TRAK1: variants seen among roughly 807,000 people sequenced by gnomAD.
TRAK1 encodes trafficking kinesin-binding protein 1.
Under a neutral mutation model 92.1 loss-of-function variants are expected in TRAK1, and 33 were observed. The ratio of observed to expected loss-of-function variants is 0.36; its 90% CI spans 0.27 to 0.48. The LOEUF (loss-of-function observed/expected upper bound fraction) is 0.48, where lower values mean the gene tolerates loss of function less well. Among genes scored for constraint, TRAK1 ranks in the 20% least tolerant of loss-of-function variants. The pLI is 0.99. For synonymous variants in TRAK1, 521 were observed against 517.3 expected, an observed-to-expected ratio of 1.01 and a Z score of -0.10; for missense variants, 1,123 against 1,257.9, an observed-to-expected ratio of 0.89 and a Z score of 1.62.
At chr3:42,018,449 C>G (rs1273026641) in intron 1 of TRAK1, among the ~76,000 whole-genome samples, 1 of 152,124 alleles carries the variant, frequency 6.6e-6, no homozygotes, top group Non-Finnish European at 1.5e-5. Flanking sequence ...AGAGGATAGT[C>G]TATCCAGAGG....
chr3:42,021,353 C>T (rs1701715853), intron 1 of TRAK1, among the ~76,000 whole-genome samples: 1 of 152,134 alleles, frequency 6.6e-6, no homozygotes, highest in Non-Finnish European at 1.5e-5. Context: ...TACAGTTGTA[C>T]AATTGCTTTA....
intron 1 of TRAK1, among the ~76,000 whole-genome samples, chr3:42,053,708 C>T (rs1283261253): frequency 3.3e-5 from 5 of 152,084 alleles, no homozygotes; most frequent in African/African-American, 4.8e-5. Flanking sequence ...GTAGAGTAGG[C>T]CTGAACTGCC....
chr3:42,075,163 T>TA (rs954001940), intron 1 of TRAK1, among the ~76,000 whole-genome samples: 5 of 151,750 alleles, frequency 3.3e-5, no homozygotes, highest in African/African-American at 9.7e-5. Context: ...TTTAAAAATT[T>TA]AAAAAAAATT....
chr3:42,112,823 TGTAGTGGCATG>T (rs1012326009), intron 1 of TRAK1, among the ~76,000 whole-genome samples: 1 of 151,238 alleles, frequency 6.6e-6, no homozygotes, highest in African/African-American at 2.4e-5. Flanking sequence ...TAGGCTGGAG[TGTAGTGGCATG>T]GTCACAGCTC....
rs563925699 is a variant in TRAK1 at position 42,171,329 on chromosome 3, C to T, written c.287-5485C>T. Among the ~76,000 whole-genome samples, 139 of 152,252 alleles carry T rather than the reference C, an allele frequency of 9.1e-4. 1 individual carries two copies. Among genetic ancestry groups the T allele is most frequent in the Non-Finnish European group, 9.1e-4 (62 of 68,016 alleles). ...TGATGAGAGTTATTCGTTCTAACAA[C>T]GTTATGAGAATCTTTTCCTCCAAAA... On this transcript the variant is annotated intron_variant, in intron 2 of 15. Transcript: ENST00000327628.
chr3:42,189,981 C>G (rs77872287), intron 6 of TRAK1, among the ~76,000 whole-genome samples: 8,384 of 151,972 alleles, frequency 0.055, 224 homozygotes, highest in Middle Eastern at 0.075. Flanking sequence ...GCTGAAAGCT[C>G]GTTACTTTGA....
chr3:42,160,456 AG>A (rs1701136668), intron 2 of TRAK1: 1 of 1,614,088 alleles, frequency 6.2e-7, no homozygotes. Flanking sequence ...CATGACACCC[AG>A]GACCTCTTGG....
chr3:42,171,132 C>T (rs1253829971), intron 2 of TRAK1, among the ~76,000 whole-genome samples: 1 of 152,058 alleles, frequency 6.6e-6, no homozygotes, highest in Non-Finnish European at 1.5e-5. Flanking sequence ...TCTTTTCTAC[C>T]CGTTGCTACT....
At chr3:42,041,978 G>T (rs1260438001) in intron 1 of TRAK1, among the ~76,000 whole-genome samples, 1 of 152,132 alleles carries the variant, frequency 6.6e-6, no homozygotes, top group Non-Finnish European at 1.5e-5. Context: ...TTTTAGTAGA[G>T]ACAAGGTTTT....
chr3:42,171,223 G>A (rs962875537), intron 2 of TRAK1, among the ~76,000 whole-genome samples: 1 of 152,064 alleles, frequency 6.6e-6, no homozygotes, highest in Admixed American at 6.6e-5. Context: ...ACATGTGTGT[G>A]TAAAATATTC....
At chr3:42,130,597 T>C (rs995529869) in intron 2 of TRAK1, among the ~76,000 whole-genome samples, 2 of 152,088 alleles carry the variant, frequency 1.3e-5, no homozygotes, top group Non-Finnish European at 2.9e-5. Flanking sequence ...GGACTATTTA[T>C]TTTTTTCCGT....
intron 1 of TRAK1, among the ~76,000 whole-genome samples, chr3:42,020,252 G>T (rs551337343): frequency 6.6e-5 from 10 of 152,270 alleles, no homozygotes; most frequent in Middle Eastern, 6.8e-3. Context: ...AATTTCTTAC[G>T]CATTGAACCT....
intron 1 of TRAK1, among the ~76,000 whole-genome samples, chr3:42,031,369 T>C (rs1702140069): frequency 6.6e-6 from 1 of 151,102 alleles, no homozygotes; most frequent in African/African-American, 2.4e-5. Flanking sequence ...TTTCCAAAGA[T>C]TCCTGACTGG....
chr3:42,068,158 T>A, intron 1 of TRAK1, among the ~76,000 whole-genome samples: 1 of 142,270 alleles, frequency 7.0e-6, no homozygotes, highest in Admixed American at 7.1e-5. Context: ...AGACTCTGTC[T>A]AAAAAAAAAA....
chr3:42,203,919 A>T (rs560858074), intron 13 of TRAK1: 2 of 984,392 alleles, frequency 2.0e-6, no homozygotes, highest in Admixed American at 6.1e-5. Context: ...CTTGGGAGCA[A>T]TATTGCCCCT....
chr3:42,209,608 G>A (rs1024076211), intron 13 of TRAK1, among the ~76,000 whole-genome samples, 159 bp from the exon 14 acceptor site: 32 of 152,234 alleles, frequency 2.1e-4, no homozygotes, highest in Admixed American at 1.6e-3. Context: ...GGGCTAAGGC[G>A]GCTCCACTGA....
At chr3:42,187,682 G>T (rs1236252149) in intron 4 of TRAK1, among the ~76,000 whole-genome samples, 1 of 152,058 alleles carries the variant, frequency 6.6e-6, no homozygotes, top group Non-Finnish European at 1.5e-5. Context: ...GGTCAGGCTG[G>T]TCTCGAACTC....
At chr3:42,209,613 C>T (rs1708739401) in intron 13 of TRAK1, among the ~76,000 whole-genome samples, 154 bp from the exon 14 acceptor site, 1 of 152,230 alleles carries the variant, frequency 6.6e-6, no homozygotes, top group African/African-American at 2.4e-5. Context: ...AAGGCGGCTC[C>T]ACTGAAGTTC....
intron 1 of TRAK1, among the ~76,000 whole-genome samples, chr3:42,026,802 G>C (rs2148886927): frequency 6.6e-6 from 1 of 152,296 alleles, no homozygotes; most frequent in East Asian, 1.9e-4. Flanking sequence ...TGGGATTACA[G>C]GCGTGAGCCA....
Sources: allele counts gnomAD v4.1 joint callset (sites outside exome capture counted in the v4.1 genomes callset), GRCh38; gene constraint gnomAD v4.1.1; transcripts MANE v1.5; gene names NCBI Gene and HGNC (gene_info 2026-07-23, HGNC 2026-07-21).